Variants in CDCA2 observed in about 807,000 individuals in gnomAD.
CDCA2 encodes the protein cell division cycle associated 2, also known as cell division cycle-associated protein 2.
A neutral mutation model predicts 67.0 loss-of-function variants in CDCA2; 44 were observed. The observed-to-expected ratio is 0.66, with a 90% confidence interval of 0.52 to 0.84. CDCA2 has a LOEUF of 0.84. Among genes scored for constraint, CDCA2 ranks in the 40% least tolerant of loss-of-function variants. CDCA2 has a pLI of 0.00. For synonymous variants in CDCA2, 447 were observed against 418.7 expected (o/e 1.07, Z -0.82); for missense variants, 1,253 against 1,203.2 (o/e 1.04, Z -0.61).
rs1804729375 is a variant in CDCA2, at chr8:25,507,458, G to A, written c.2792G>A (p.Gly931Glu). The A allele has an allele frequency of 6.2e-7, 1 of 1,613,922 alleles. No individual in the cohort carries two copies. The highest frequency in any genetic ancestry group is 8.5e-7 in the Non-Finnish European group (1 of 1,179,996). The change falls in exon 15 of 15, where the codon GGA (glycine) becomes GAA (glutamate). Residue 931 changes from glycine to glutamate, a missense_variant. Transcript: ENST00000330560. ...RRTICTFDSS[G>E]FESMSPIKET... is the part of the protein sequence containing the mutation. ...ACAATATGTACATTTGACAGCAGTG[G>A]ATTTGAAAGTATGTCTCCCATAAAA... is the stretch of plus-strand genomic sequence containing the variant.
Position 25,460,481 on chromosome 8 carries a change from A to G in CDCA2, c.159A>G (p.Ser53=). The change falls in exon 3 of 15, where the codon TCA becomes TCG. Residue 53 remains serine (S), a synonymous_variant. Coordinates refer to ENST00000330560, the MANE Select transcript of CDCA2 (RefSeq NM_152562.4). ...PNPCTPDTFK[S]PLNFSTVTVE... ...CTTGCACACCAGATACTTTTAAATC[A>G]CCTTTGAACTTTTCCACAGTAACCG... 9 of 1,614,164 alleles carry G rather than the reference A, an allele frequency of 5.6e-6. No homozygotes were observed. The highest frequency in any genetic ancestry group is 7.6e-6 in the Non-Finnish European group (9 of 1,180,032).
intron 4 of CDCA2, among the ~76,000 whole-genome samples, chr8:25,462,533 C>T (rs1802737672): frequency 1.0e-5 from 1 of 98,442 alleles, no homozygotes. Flanking sequence ...GGCTGAGGCA[C>T]GAGAATTGCT....
chr8:25,503,938 A>C (rs547157552), intron 14 of CDCA2, among the ~76,000 whole-genome samples: 1 of 152,142 alleles, frequency 6.6e-6, no homozygotes, highest in Admixed American at 6.5e-5. Context: ...TGTGATCCCA[A>C]CCATTTGGGA....
At position 25,507,752 on chromosome 8, in the gene CDCA2, C is replaced by T. The variant is rs753054540; in HGVS notation, c.*14C>T. ...AGAAAGCAGTAATTGACATTTCCTG[C>T]AGAGTCTGTGGCAAGAGGGAAAGTA... On this transcript the variant is annotated 3_prime_UTR_variant, in exon 15 of 15. Transcript: ENST00000330560. 1.2e-6 allele frequency: 2 copies of T among 1,601,646 alleles called. No individual in the cohort carries two copies. Among genetic ancestry groups the T allele is most frequent in the South Asian group, 1.1e-5 (1 of 89,404 alleles).
Position 25,507,404 on chromosome 8 carries a change from C to G in CDCA2, c.2738C>G (p.Pro913Arg). 1 of 1,613,974 alleles carries G rather than the reference C, an allele frequency of 6.2e-7. No homozygotes were observed. Among genetic ancestry groups the G allele is most frequent in the Admixed American group, 1.7e-5 (1 of 59,988 alleles). ...CTTGTATGGATTTCACTTCCACTTCCTTCCACTTCCCAAAAAGCCAAAAGA... is the reference window on the plus strand; with the variant it reads ...CTTGTATGGATTTCACTTCCACTTCGTTCCACTTCCCAAAAAGCCAAAAGA... ...EGLVWISLPL[P>R]STSQKAKRRT... is the part of the protein sequence containing the mutation. The change falls in exon 15 of 15, where the codon CCT (proline) becomes CGT (arginine). Residue 913 changes from proline to arginine, a missense_variant. By Grantham distance (103) the Pro-to-Arg change is moderately radical (BLOSUM62 -2). Transcript: ENST00000330560.
intron 4 of CDCA2, among the ~76,000 whole-genome samples, chr8:25,465,109 G>T (rs911973788): frequency 6.6e-5 from 10 of 152,120 alleles, no homozygotes; most frequent in African/African-American, 2.4e-4. Context: ...ACATAGCTGG[G>T]ATTACAGGCA....
intron 14 of CDCA2, among the ~76,000 whole-genome samples, chr8:25,504,396 A>G (rs1327574864): frequency 6.6e-6 from 1 of 151,398 alleles, no homozygotes; most frequent in African/African-American, 2.4e-5. Context: ...CTCCCAAACT[A>G]CTGATATTAC....
Position 25,484,088 on chromosome 8 carries a change from C to A in CDCA2, c.1243C>A (p.Arg415Ser), listed in dbSNP as rs755408049. The A allele has an allele frequency of 3.0e-5, 48 of 1,614,020 alleles. No homozygotes were observed. Among genetic ancestry groups the A allele is most frequent in the Non-Finnish European group, 4.0e-5 (47 of 1,180,038 alleles). Residue 415 changes from arginine (R) to serine (S), a missense_variant, in exon 10 of 15, where the codon CGT becomes AGT. Physicochemically the swap from Arg to Ser is moderately radical, Grantham distance 110. Transcript: ENST00000330560. ...ATCTTTGCCAGCAAATACTCCATTGCGTAAAGGAGGAACACCTGTTTGTAA... is the reference window on the plus strand; with the variant it reads ...ATCTTTGCCAGCAAATACTCCATTGAGTAAAGGAGGAACACCTGTTTGTAA... ...DESLPANTPL[R>S]KGGTPVCKKD...
In CDCA2 at chr8:25,460,397, C is replaced by T. The variant is rs142080208; in HGVS notation, c.75C>T (p.Phe25=). The T allele has an allele frequency of 1.2e-6, 2 of 1,614,156 alleles. No homozygotes were observed. Among genetic ancestry groups the T allele is most frequent in the African/African-American group, 1.3e-5 (1 of 75,040 alleles). The change falls in exon 3 of 15, where the codon TTC becomes TTT. Residue 25 remains phenylalanine (F), a synonymous_variant. Coordinates refer to ENST00000330560, the MANE Select transcript of CDCA2 (RefSeq NM_152562.4). The part of the protein sequence containing the change: ...SAMNNAGNAS[F]ILGTGKIVTP... ...CGTCCGTTTCAGGAAATGCCTCTTT[C>T]ATTTTGGGAACTGGGAAGATTGTGA...
intron 7 of CDCA2, among the ~76,000 whole-genome samples, chr8:25,478,772 C>T (rs1466291960): frequency 3.9e-5 from 6 of 151,928 alleles, no homozygotes; most frequent in Non-Finnish European, 5.9e-5. Flanking sequence ...GGTGTCTGCT[C>T]AGGAACTCTC....
At chr8:25,470,746 G>A (rs974580680) in intron 7 of CDCA2, among the ~76,000 whole-genome samples, 9 of 150,760 alleles carry the variant, frequency 6.0e-5, no homozygotes, top group African/African-American at 2.2e-4. Context: ...GGATTAAACA[G>A]CTGTATGTGC....
intron 13 of CDCA2, among the ~76,000 whole-genome samples, chr8:25,495,918 A>G (rs1804204786): frequency 6.6e-6 from 1 of 152,366 alleles, no homozygotes; most frequent in South Asian, 2.1e-4. Flanking sequence ...ACTAAATTTG[A>G]ATTGGAAATA....
At chr8:25,467,991 G>C (rs1380411407) in intron 5 of CDCA2, among the ~76,000 whole-genome samples, 1 of 151,732 alleles carries the variant, frequency 6.6e-6, no homozygotes, top group East Asian at 1.9e-4. Context: ...GGTGGCATGA[G>C]CCTGTAATCT....
chr8:25,494,458 CT>C (rs1299789310), intron 13 of CDCA2, among the ~76,000 whole-genome samples: 1 of 152,044 alleles, frequency 6.6e-6, no homozygotes, highest in African/African-American at 2.4e-5. Flanking sequence ...AGTTATTATG[CT>C]GTATTTTTAC....
chr8:25,469,022 A>C (rs1463773726), intron 6 of CDCA2, among the ~76,000 whole-genome samples: 3 of 152,238 alleles, frequency 2.0e-5, no homozygotes, highest in Non-Finnish European at 2.9e-5. Flanking sequence ...TAGAAAAATA[A>C]TACTACTGAA....
Position 25,468,350 on chromosome 8 carries a change from C to T in CDCA2, c.672C>T (p.Leu224=), listed in dbSNP as rs1586470409. The change falls in exon 6 of 15, where the codon CTC becomes CTT. Residue 224 remains leucine (L), a synonymous_variant. Coordinates refer to ENST00000330560, the MANE Select transcript of CDCA2 (RefSeq NM_152562.4). ...LTDAEGKVIG[L]QIFNIDTDRA... ...ATGCTGAAGGAAAAGTAATTGGTCT[C>T]CAGATATTCAATATTGATACAGACA... 2 of 1,613,710 alleles carry T rather than the reference C, an allele frequency of 1.2e-6. No homozygotes were observed. Among genetic ancestry groups the T allele is most frequent in the Admixed American group, 3.3e-5 (2 of 59,996 alleles).
chr8:25,466,802 G>A (rs764738283), intron 5 of CDCA2, among the ~76,000 whole-genome samples: 8 of 151,994 alleles, frequency 5.3e-5, no homozygotes, highest in Non-Finnish European at 1.2e-4. Flanking sequence ...CAGCACTTTG[G>A]GAGGCTGAGA....
chr8:25,475,884 C>T (rs1247600558), intron 7 of CDCA2, among the ~76,000 whole-genome samples: 2 of 152,152 alleles, frequency 1.3e-5, no homozygotes, highest in African/African-American at 2.4e-5. Flanking sequence ...GCCAGTACTC[C>T]CAGTGTTTCC....
At chr8:25,475,540 A>G (rs552205616) in intron 7 of CDCA2, among the ~76,000 whole-genome samples, 4 of 152,210 alleles carry the variant, frequency 2.6e-5, no homozygotes, top group Admixed American at 6.5e-5. Context: ...CGAATATTTA[A>G]TGCAACCACC....
Sources: gnomAD v4.1 joint callset for allele counts (sites outside exome capture counted in the v4.1 genomes callset) on GRCh38, gnomAD v4.1.1 for gene constraint, MANE v1.5 for transcripts, NCBI Gene and HGNC (gene_info 2026-07-23, HGNC 2026-07-21) for gene names.